Variants in EFCAB6 observed in about 807,000 individuals in gnomAD.
EFCAB6 encodes the protein EF-hand calcium-binding domain-containing protein 6.
Under a neutral mutation model 169.8 loss-of-function variants are expected in EFCAB6, and 156 were observed. That is an observed-to-expected ratio of 0.92 (90% CI 0.81 to 1.05). The LOEUF (loss-of-function observed/expected upper bound fraction) is 1.05. EFCAB6 is among the 50% of genes least tolerant of loss of function. The probability of loss-of-function intolerance (pLI) is 0.00; values close to 1 mark genes in which losing one functional copy is unlikely to be tolerated. For missense variants in EFCAB6, 1,800 were observed against 1,829.1 expected (o/e 0.98, Z 0.29); for synonymous variants, 698 against 676.4 (o/e 1.03, Z -0.50).
At chr22:43,784,264 G>A (rs1213938491) in intron 2 of EFCAB6, among the ~76,000 whole-genome samples, 3 of 151,992 alleles carry the variant, frequency 2.0e-5, no homozygotes, top group African/African-American at 7.2e-5. Context: ...CTTCAAAAGT[G>A]GATGTGGATG....
chr22:43,559,252 T>C (rs992811076), intron 26 of EFCAB6, among the ~76,000 whole-genome samples: 25 of 151,970 alleles, frequency 1.6e-4, no homozygotes, highest in Non-Finnish European at 2.9e-5. Context: ...CCAATAAACA[T>C]ATGAAAAAAA....
chr22:43,582,117 T>C (rs2050765204), intron 24 of EFCAB6, among the ~76,000 whole-genome samples: 1 of 152,188 alleles, frequency 6.6e-6, no homozygotes, highest in South Asian at 2.1e-4. Flanking sequence ...GAAATCCCAG[T>C]CCTTTTGTTG....
intron 4 of EFCAB6, among the ~76,000 whole-genome samples, chr22:43,771,749 A>T (rs532701139): frequency 4.6e-5 from 7 of 152,114 alleles, no homozygotes; most frequent in Admixed American, 2.0e-4. Flanking sequence ...ATCCCTCCCC[A>T]TGTAACTGCA....
intron 6 of EFCAB6, among the ~76,000 whole-genome samples, chr22:43,754,900 G>A (rs1270116546): frequency 1.3e-5 from 2 of 152,304 alleles, no homozygotes; most frequent in East Asian, 3.9e-4. Flanking sequence ...AAAAGCAGCA[G>A]ACAATTATAC....
intron 13 of EFCAB6, among the ~76,000 whole-genome samples, chr22:43,677,429 C>T (rs530735097): frequency 1.3e-5 from 2 of 152,198 alleles, no homozygotes; most frequent in Middle Eastern, 3.4e-3. Flanking sequence ...AAGTGGATCA[C>T]GAGGTCAGGA....
chr22:43,674,679 G>C (rs1024970226), intron 13 of EFCAB6, among the ~76,000 whole-genome samples: 1 of 152,160 alleles, frequency 6.6e-6, no homozygotes, highest in Admixed American at 6.5e-5. Flanking sequence ...ACGTGTCTAC[G>C]TTTTGTTTTT....
chr22:43,761,660 G>A (rs1321620950), intron 5 of EFCAB6, among the ~76,000 whole-genome samples: 1 of 152,034 alleles, frequency 6.6e-6, no homozygotes, highest in Non-Finnish European at 1.5e-5. Context: ...CAAGTGTTTG[G>A]AGACCTGATT....
At chr22:43,725,673 C>T (rs910798720) in intron 8 of EFCAB6, among the ~76,000 whole-genome samples, 3 of 152,296 alleles carry the variant, frequency 2.0e-5, no homozygotes, top group African/African-American at 7.2e-5. Context: ...AAGTTTTGAA[C>T]TGGTAGGATG....
intron 10 of EFCAB6, among the ~76,000 whole-genome samples, chr22:43,711,072 AT>A (rs2059143221): frequency 6.6e-6 from 1 of 152,210 alleles, no homozygotes; most frequent in Admixed American, 6.5e-5. Flanking sequence ...ATTAGAAAAC[AT>A]GAGGCAAGCA....
Position 43,795,405 on chromosome 22 carries a change from G to A in EFCAB6, c.-7-13080C>T, listed in dbSNP as rs1323677563. On this transcript the variant is annotated intron_variant, in intron 2 of 31. Coordinates refer to ENST00000262726, the MANE Select transcript of EFCAB6 (RefSeq NM_022785.4). The surrounding 1 kb of genome is among the most constrained non-coding windows in gnomAD (Gnocchi z 4.2). ...TTCTTTAATAACCGTGTCATGGCAT[G>A]TTCTAGACATCATGCCTACCAGTGC... 6.6e-6 allele frequency among the ~76,000 whole-genome samples: 1 copy of A among 152,156 alleles called. No individual in the cohort carries two copies. The highest frequency in any genetic ancestry group is 2.4e-5 in the African/African-American group (1 of 41,426).
rs1046382795 is a variant in EFCAB6 at position 43,795,030 on chromosome 22, A to C, written c.-7-12705T>G. 4.6e-5 allele frequency among the ~76,000 whole-genome samples: 7 copies of C among 152,192 alleles called. No homozygotes were observed. Among genetic ancestry groups the C allele is most frequent in the African/African-American group, 1.4e-4 (6 of 41,436 alleles). ...GTCTCCCTCCACCAAGGAGCTCCCC[A>C]GGCCCTGTACAGCCCCTTGCCCTGC... is the stretch of plus-strand genomic sequence containing the variant. On this transcript the variant is annotated intron_variant, in intron 2 of 31. Transcript: ENST00000262726. This position sits in a 1 kb window ranked among gnomAD's most constrained non-coding sequence, Gnocchi z 4.2.
chr22:43,588,355 T>C (rs1228283677), intron 24 of EFCAB6, among the ~76,000 whole-genome samples: 2 of 152,180 alleles, frequency 1.3e-5, no homozygotes, highest in Non-Finnish European at 2.9e-5. Context: ...AAAAGCCTAT[T>C]GTTAATACCT....
chr22:43,667,281 A>G lies in EFCAB6; in HGVS notation c.1815-9T>C. The G allele has an allele frequency of 6.2e-7, 1 of 1,612,558 alleles. No homozygotes were observed. On this transcript the variant is annotated splice_polypyrimidine_tract_variant and intron_variant, in intron 16 of 31. Transcript: ENST00000262726. ...CCTCCGTGAGCTTGGTTCTAAAATC[A>G]CAAGCAGGCATTTAGACCCAGTGTC...
At chr22:43,575,917 C>T (rs1443421589) in intron 26 of EFCAB6, among the ~76,000 whole-genome samples, 1 of 152,046 alleles carries the variant, frequency 6.6e-6, no homozygotes, top group African/African-American at 2.4e-5. Context: ...ACATAGAAGA[C>T]ATGCTATAGT....
chr22:43,802,085 T>C (rs1289761721), intron 2 of EFCAB6, among the ~76,000 whole-genome samples: 4 of 152,218 alleles, frequency 2.6e-5, no homozygotes, highest in South Asian at 2.1e-4. Context: ...TCAGATAAAA[T>C]AGACTACAAA....
rs542746637 is a variant in EFCAB6, at chr22:43,605,557, C to T, written c.2681+2925G>A. On this transcript the variant is annotated intron_variant, in intron 22 of 31. Coordinates refer to ENST00000262726, the MANE Select transcript of EFCAB6 (RefSeq NM_022785.4). ...ACTTGGGAGGCTGAGACAGGAGAAT[C>T]GCTTGAACCTGGGAGGCGGAGGTTG... Among the ~76,000 whole-genome samples the T allele has an allele frequency of 5.5e-5, 8 of 144,334 alleles. No individual in the cohort carries two copies. The South Asian group carries it at 1.2e-3, about 21-fold the overall frequency. The allele number at this position is 144,334 out of a possible 152,430, so 94.7% of individuals were successfully genotyped here.
chr22:43,675,243 T>G (rs1482463462), intron 13 of EFCAB6, among the ~76,000 whole-genome samples: 1 of 143,502 alleles, frequency 7.0e-6, no homozygotes, highest in Non-Finnish European at 1.5e-5. Context: ...AACTATGTTA[T>G]TATATATTAT....
intron 6 of EFCAB6, among the ~76,000 whole-genome samples, chr22:43,752,076 C>T (rs1277261070): frequency 2.0e-5 from 3 of 151,490 alleles, no homozygotes; most frequent in African/African-American, 4.9e-5. Flanking sequence ...GGATTGGTTG[C>T]CTTCCCAAAT....
chr22:43,732,724 C>A (rs929416343), intron 7 of EFCAB6, among the ~76,000 whole-genome samples: 1 of 152,056 alleles, frequency 6.6e-6, no homozygotes, highest in Non-Finnish European at 1.5e-5. Flanking sequence ...ACCTCAGCTT[C>A]CTAAAGTGCT....
Sources: gnomAD v4.1 joint callset for allele counts (sites outside exome capture counted in the v4.1 genomes callset) on GRCh38, gnomAD v4.1.1 for gene constraint, Gnocchi (gnomAD v3.1) non-coding constraint, MANE v1.5 for transcripts, NCBI Gene and HGNC (gene_info 2026-07-23, HGNC 2026-07-21) for gene names.